CERT1: variants seen among roughly 807,000 people sequenced by gnomAD.
CERT1 encodes ceramide transfer protein.
Under a neutral mutation model 87.9 loss-of-function variants are expected in CERT1, and 31 were observed. That is an observed-to-expected ratio of 0.35 (90% confidence interval 0.27 to 0.48). The LOEUF is 0.48. Among genes scored for constraint, CERT1 ranks in the 20% least tolerant of loss-of-function variants. The pLI is 0.99. For synonymous variants in CERT1, 289 were observed against 250.9 expected, an observed-to-expected ratio of 1.15 and a Z score of -1.44; for missense variants, 487 against 758.0, an observed-to-expected ratio of 0.64 and a Z score of 4.20.
chr5:75,425,681 C>A (rs1763586888), intron 4 of CERT1, among the ~76,000 whole-genome samples, 182 bp from the exon 5 acceptor site: 1 of 152,180 alleles, frequency 6.6e-6, no homozygotes. Flanking sequence ...AATCTATTGG[C>A]TTGATAGCGA....
At chr5:75,437,568 C>A (rs1764147079) in intron 3 of CERT1, among the ~76,000 whole-genome samples, 1 of 151,996 alleles carries the variant, frequency 6.6e-6, no homozygotes, top group Non-Finnish European at 1.5e-5. Context: ...GAGTTTGAGA[C>A]CAGCCTGGCC....
At chr5:75,454,601 G>C (rs1276971469) in intron 3 of CERT1, among the ~76,000 whole-genome samples, 3 of 152,300 alleles carry the variant, frequency 2.0e-5, no homozygotes, top group Non-Finnish European at 4.4e-5. Context: ...CAAGAAGTTT[G>C]CAAAGGAGAT....
At chr5:75,442,974 T>C (rs1317306569) in intron 3 of CERT1, among the ~76,000 whole-genome samples, 1 of 152,184 alleles carries the variant, frequency 6.6e-6, no homozygotes, top group Non-Finnish European at 1.5e-5. Flanking sequence ...TATATATACA[T>C]ATAGAGCTCA....
chr5:75,403,867 C>T (rs1437798337), intron 8 of CERT1, among the ~76,000 whole-genome samples: 1 of 152,102 alleles, frequency 6.6e-6, no homozygotes, highest in Non-Finnish European at 1.5e-5. Context: ...AAGTGATTCC[C>T]ATGCAAGTGG....
Position 75,400,071 on chromosome 5 carries a change from G to A in CERT1, c.1110+134C>T, listed in dbSNP as rs192796907. 1.1e-3 allele frequency: 684 copies of A among 636,766 alleles called. 9 individuals are homozygous for A. Among genetic ancestry groups the A allele is most frequent in the South Asian group, 7.9e-3 (359 of 45,574 alleles). The allele number at this position is 636,766 out of a possible 1,614,324, so 39.4% of individuals were successfully genotyped here. A position where few individuals can be genotyped will look rare whatever the true frequency, so the allele number is the denominator to read the frequency against. On this transcript the variant is annotated intron_variant, in intron 10 of 16. Transcript: ENST00000643780. ...CTCTTGAACCCGGGAGGTGGAGACT[G>A]TAGTGAGCCGAGATCGCGCCACTGC...
At chr5:75,486,328 G>A (rs982058360) in intron 2 of CERT1, among the ~76,000 whole-genome samples, 2 of 151,898 alleles carry the variant, frequency 1.3e-5, no homozygotes, top group African/African-American at 4.8e-5. Context: ...ACAAAACTGG[G>A]CATAGAAAAA....
intron 2 of CERT1, among the ~76,000 whole-genome samples, chr5:75,491,818 T>C (rs752093751): frequency 6.6e-6 from 1 of 152,188 alleles, no homozygotes; most frequent in Non-Finnish European, 1.5e-5. Context: ...GGGATGCGGC[T>C]TACCACAAGC....
chr5:75,394,001 C>G (rs1762143473), intron 11 of CERT1, among the ~76,000 whole-genome samples: 1 of 152,006 alleles, frequency 6.6e-6, no homozygotes, highest in Non-Finnish European at 1.5e-5. Flanking sequence ...TACAAAGCCA[C>G]AAAACCATAG....
intron 2 of CERT1, among the ~76,000 whole-genome samples, chr5:75,493,028 C>G (rs1766870319): frequency 1.3e-5 from 2 of 152,204 alleles, no homozygotes; most frequent in African/African-American, 4.8e-5. Context: ...CTCTGGAGAT[C>G]ACACTTTGAG....
At chr5:75,431,920 T>C (rs1763882390) in intron 3 of CERT1, among the ~76,000 whole-genome samples, 1 of 152,242 alleles carries the variant, frequency 6.6e-6, no homozygotes, top group African/African-American at 2.4e-5. Flanking sequence ...TATATTCCTA[T>C]GGGTATATAC....
At chr5:75,489,545 T>C (rs1766678805) in intron 2 of CERT1, among the ~76,000 whole-genome samples, 1 of 151,928 alleles carries the variant, frequency 6.6e-6, no homozygotes, top group Non-Finnish European at 1.5e-5. Context: ...TTAAACAGAT[T>C]TATAAGAAAA....
intron 3 of CERT1, among the ~76,000 whole-genome samples, chr5:75,438,313 A>ATC (rs775852017): frequency 1.2e-4 from 18 of 152,188 alleles, no homozygotes; most frequent in South Asian, 2.1e-4. Context: ...TTGTTAACAC[A>ATC]TCTCTTTGGC....
intron 8 of CERT1, among the ~76,000 whole-genome samples, chr5:75,409,144 T>A (rs1019468326): frequency 1.3e-5 from 2 of 152,166 alleles, no homozygotes; most frequent in South Asian, 4.1e-4. Context: ...AAAGTTGGTA[T>A]TTCTTCCAAA....
At chr5:75,416,596 T>C (rs984197226) in intron 7 of CERT1, among the ~76,000 whole-genome samples, 1 of 152,226 alleles carries the variant, frequency 6.6e-6, no homozygotes, top group Non-Finnish European at 1.5e-5. Flanking sequence ...TAATGTTAAA[T>C]GGCTCAACAC....
At chr5:75,393,620 A>AAG (rs1762119894) in intron 11 of CERT1, among the ~76,000 whole-genome samples, 1 of 145,302 alleles carries the variant, frequency 6.9e-6, no homozygotes, top group African/African-American at 2.5e-5. Context: ...AAAAAAAAAA[A>AAG]AAAGAAAGTC....
chr5:75,380,702 C>G lies in CERT1; in HGVS notation c.1747+370G>C, dbSNP rs904621670. 2.1e-5 allele frequency among the ~76,000 whole-genome samples: 3 copies of G among 145,660 alleles called. No individual in the cohort carries two copies. In the Admixed American group the frequency reaches 2.2e-4, roughly 10 times the overall value. On this transcript the variant is annotated intron_variant, in intron 16 of 16. Coordinates refer to ENST00000643780, the MANE Select transcript of CERT1 (RefSeq NM_001379029.1). ...ACAGAGGCAGAGAATCGCTTGAACCCAGGAGGCGGAGGCTGCAGTGAGCTG... is the reference window on the plus strand; with the variant it reads ...ACAGAGGCAGAGAATCGCTTGAACCGAGGAGGCGGAGGCTGCAGTGAGCTG...
intron 11 of CERT1, among the ~76,000 whole-genome samples, chr5:75,393,516 G>T (rs1251762907): frequency 6.8e-6 from 1 of 147,882 alleles, no homozygotes; most frequent in Non-Finnish European, 1.5e-5. Context: ...GGTGGTTCAT[G>T]CCTGTAGTCC....
chr5:75,412,039 A>T (rs1012150337), intron 7 of CERT1, among the ~76,000 whole-genome samples: 2 of 152,242 alleles, frequency 1.3e-5, no homozygotes, highest in Non-Finnish European at 2.9e-5. Context: ...TAAAATAACA[A>T]AGGTTGGTCC....
rs138972786 is a variant in CERT1 at position 75,434,995 on chromosome 5, A to C, written c.349-8517T>G. 2.1e-3 allele frequency among the ~76,000 whole-genome samples: 315 copies of C among 151,964 alleles called. 1 individual carries two copies. In the East Asian group the frequency reaches 0.027, roughly 13 times the overall value. ...CTCAGTTTCATTCAGATCAGCTCTC[A>C]TTTTATTTGATTTATCCTGCTGGCT... is the stretch of plus-strand genomic sequence containing the variant. On this transcript the variant is annotated intron_variant, in intron 3 of 16. Transcript: ENST00000643780.
Sources: allele counts gnomAD v4.1 joint callset (sites outside exome capture counted in the v4.1 genomes callset), GRCh38; gene constraint gnomAD v4.1.1; transcripts MANE v1.5; gene names NCBI Gene and HGNC (gene_info 2026-07-23, HGNC 2026-07-21).